The following PLXNA4 variants were observed in gnomAD, a reference collection of about 807,000 sequenced individuals.
PLXNA4 encodes the protein plexin-A4.
In PLXNA4, 44 loss-of-function variants were observed where a neutral mutation model predicts 191.8. That is an observed-to-expected ratio of 0.23 (90% CI 0.18 to 0.29). The LOEUF (loss-of-function observed/expected upper bound fraction) is 0.29. Among genes scored for constraint, PLXNA4 ranks in the 10% least tolerant of loss-of-function variants. The pLI, the probability that PLXNA4 is intolerant of heterozygous loss-of-function variation, is 1.00. For synonymous variants in PLXNA4, 1,082 were observed against 1,009.5 expected (o/e 1.07, Z -1.36); for missense variants, 1,800 against 2,488.8 (o/e 0.72, Z 5.89).
At chr7:132,192,992 G>T (rs58831605) in intron 14 of PLXNA4, among the ~76,000 whole-genome samples, 16,868 of 152,098 alleles carry the variant, frequency 0.11, 1,114 homozygotes, top group African/African-American at 0.18. Flanking sequence ...AATGGATTGG[G>T]TATGCAGGTG....
intron 3 of PLXNA4, among the ~76,000 whole-genome samples, chr7:132,395,657 A>T (rs956005343): frequency 1.3e-5 from 2 of 152,246 alleles, no homozygotes. Context: ...ATAGGCAAAC[A>T]GCCTGGAAGC....
At chr7:132,444,669 TGTGTGTGTTG>T (rs1357645010) in intron 3 of PLXNA4, among the ~76,000 whole-genome samples, 2 of 152,146 alleles carry the variant, frequency 1.3e-5, no homozygotes, top group African/African-American at 4.8e-5. Flanking sequence ...TGTGTTAAGG[TGTGTGTGTTG>T]GTGTGGGAGG....
intron 3 of PLXNA4, among the ~76,000 whole-genome samples, chr7:132,409,621 C>T (rs1393038518): frequency 6.6e-6 from 1 of 152,196 alleles, no homozygotes; most frequent in Admixed American, 6.5e-5. Flanking sequence ...TTCACTCTTT[C>T]AAGGTGGAAT....
intron 10 of PLXNA4, among the ~76,000 whole-genome samples, chr7:132,205,464 T>C (rs1266196125): frequency 6.6e-6 from 1 of 152,122 alleles, no homozygotes; most frequent in Non-Finnish European, 1.5e-5. Flanking sequence ...GAGAAGGGTA[T>C]AAGAGAGGGA....
intron 3 of PLXNA4, among the ~76,000 whole-genome samples, chr7:132,373,331 A>G (rs1804520813): frequency 1.3e-5 from 2 of 152,174 alleles, no homozygotes; most frequent in African/African-American, 4.8e-5. Context: ...GGTCTGGAGA[A>G]GTCAAGAGGA....
intron 3 of PLXNA4, among the ~76,000 whole-genome samples, chr7:132,409,233 G>C (rs1055486744): frequency 6.6e-6 from 1 of 152,140 alleles, no homozygotes; most frequent in Non-Finnish European, 1.5e-5. Flanking sequence ...GCTCAGCTCT[G>C]TGCCTCCATC....
chr7:132,187,882 T>C (rs1180473556), intron 14 of PLXNA4, among the ~76,000 whole-genome samples: 1 of 152,194 alleles, frequency 6.6e-6, no homozygotes, highest in Non-Finnish European at 1.5e-5. Flanking sequence ...TAATTATACA[T>C]GTATGTGTAT....
chr7:132,576,728 TC>T, upstream of PLXNA4: 1 of 417,006 alleles, frequency 2.4e-6, no homozygotes, highest in Non-Finnish European at 3.2e-6. This position sits in a 1 kb window ranked among gnomAD's most constrained non-coding sequence, Gnocchi z 5.8. Context: ...ACCCCTTTCC[TC>T]CACCCAGCCC....
chr7:132,383,482 A>C, intron 3 of PLXNA4: 1 of 809,142 alleles, frequency 1.2e-6, no homozygotes, highest in Non-Finnish European at 1.5e-6. Context: ...AAGCACAACT[A>C]CTGTTAGCAT....
chr7:132,225,623 C>T (rs565771480), intron 8 of PLXNA4, among the ~76,000 whole-genome samples: 3 of 151,346 alleles, frequency 2.0e-5, no homozygotes, highest in Non-Finnish European at 2.9e-5. Flanking sequence ...TCCGCCCCCC[C>T]CCACAGCTTT....
At chr7:132,588,014 T>C (rs1033881323) in intron 2 of PLXNA4, among the ~76,000 whole-genome samples, 1 of 152,048 alleles carries the variant, frequency 6.6e-6, no homozygotes, top group African/African-American at 2.4e-5. Context: ...CTCTAGGTGG[T>C]CTCTCCCTTT....
chr7:132,401,045 G>C (rs1793962998), intron 3 of PLXNA4, among the ~76,000 whole-genome samples: 1 of 152,106 alleles, frequency 6.6e-6, no homozygotes, highest in Admixed American at 6.5e-5. Flanking sequence ...GGTCTCTAGG[G>C]CCTGTGAAAA....
intron 21 of PLXNA4, among the ~76,000 whole-genome samples, chr7:132,174,512 G>C (rs1024355534): frequency 6.6e-6 from 1 of 152,124 alleles, no homozygotes; most frequent in African/African-American, 2.4e-5. Context: ...TCTGGGGAGA[G>C]GGTCATCAAC....
intron 3 of PLXNA4, among the ~76,000 whole-genome samples, chr7:132,358,653 C>T (rs1315386178): frequency 2.6e-5 from 4 of 152,208 alleles, no homozygotes. Context: ...TACTCTATGA[C>T]AGTGACTTGG....
rs1172510489 is a variant in PLXNA4 at position 132,172,195 on chromosome 7, C to T, written c.4017+2583G>A. On this transcript the variant is annotated intron_variant, in intron 21 of 31. Coordinates refer to ENST00000321063, the MANE Select transcript of PLXNA4 (RefSeq NM_020911.2). ...GACTTTCTTTATTCACCAGATGGTT[C>T]TCTAATTTAGTTGAAGTCTGTGAGT... Among the ~76,000 whole-genome samples, 7 of 152,206 alleles carry T rather than the reference C, an allele frequency of 4.6e-5. 1 individual carries two copies. The highest frequency in any genetic ancestry group is 4.6e-4 in the Admixed American group (7 of 15,292).
intron 4 of PLXNA4, among the ~76,000 whole-genome samples, chr7:132,248,512 G>C (rs1168048365): frequency 1.3e-5 from 2 of 152,196 alleles, no homozygotes; most frequent in Non-Finnish European, 2.9e-5. Flanking sequence ...CAGTCAAATG[G>C]AGGAGGGGGA....
rs1796685431 is a variant in PLXNA4 at position 132,465,999 on chromosome 7, CCACG to C, written c.1371+23289_1371+23292del. Among the ~76,000 whole-genome samples, 3 of 152,108 alleles carry C rather than the reference CCACG, an allele frequency of 2.0e-5. No individual in the cohort carries two copies. In the South Asian group the frequency reaches 6.2e-4, roughly 32 times the overall value. On this transcript the variant is annotated intron_variant, in intron 3 of 31. Transcript: ENST00000321063. Reference sequence around the variant, plus strand: ...CAACACAAGCCACTGTGCCAGGTACCCACGCAGGTCAGGGGCCTGGTCTCAACTT... The same window carrying C: ...CAACACAAGCCACTGTGCCAGGTACCCAGGTCAGGGGCCTGGTCTCAACTT...
chr7:132,167,722 G>A (rs1000687358), intron 22 of PLXNA4, among the ~76,000 whole-genome samples: 1 of 152,018 alleles, frequency 6.6e-6, no homozygotes, highest in Non-Finnish European at 1.5e-5. Flanking sequence ...TTTTATTCTT[G>A]TAGAGATGAG....
chr7:132,230,270 A>C (rs774426052), intron 5 of PLXNA4, among the ~76,000 whole-genome samples: 3 of 152,128 alleles, frequency 2.0e-5, no homozygotes, highest in Non-Finnish European at 4.4e-5. Flanking sequence ...CTACCTCCTG[A>C]AGCTTCCAGA....
Sources: gnomAD v4.1 joint callset for allele counts (sites outside exome capture counted in the v4.1 genomes callset) on GRCh38, gnomAD v4.1.1 for gene constraint, Gnocchi (gnomAD v3.1) non-coding constraint, MANE v1.5 for transcripts, NCBI Gene and HGNC (gene_info 2026-07-23, HGNC 2026-07-21) for gene names.